Variants in LINGO2 observed in about 807,000 individuals in gnomAD.
LINGO2 encodes leucine-rich repeat and immunoglobulin-like domain-containing nogo receptor-interacting protein 2.
A neutral mutation model predicts 30.6 loss-of-function variants in LINGO2; 14 were observed. That is an observed-to-expected ratio of 0.46 (90% CI 0.30 to 0.72). The LOEUF (loss-of-function observed/expected upper bound fraction) is 0.72. LINGO2 is among the 30% of genes least tolerant of loss of function. The pLI is 0.07. For missense variants in LINGO2, 729 were observed against 751.7 expected (o/e 0.97, Z 0.35); for synonymous variants, 317 against 288.5 (o/e 1.10, Z -1.00).
intron 1 of LINGO2, among the ~76,000 whole-genome samples, chr9:28,511,911 T>C (rs531126576): frequency 9.9e-5 from 15 of 152,262 alleles, no homozygotes; most frequent in Middle Eastern, 3.4e-3. Flanking sequence ...CTGTCCACTT[T>C]AGGGTGGTTC....
At chr9:27,965,498 G>A (rs10968232) in intron 5 of LINGO2, among the ~76,000 whole-genome samples, 11,713 of 150,782 alleles carry the variant, frequency 0.078, 1,289 homozygotes, top group African/African-American at 0.24. Context: ...CTGATTCTCA[G>A]TCATCTTTCC....
At chr9:28,606,274 C>T (rs1825690771) in intron 1 of LINGO2, among the ~76,000 whole-genome samples, 1 of 151,850 alleles carries the variant, frequency 6.6e-6, no homozygotes, top group Non-Finnish European at 1.5e-5. Flanking sequence ...AAAACAGCTA[C>T]TATAATACTT....
At position 27,955,340 on chromosome 9, in the gene LINGO2, C is replaced by T. The variant is rs115425319; in HGVS notation, c.-35-4634G>A. On this transcript the variant is annotated intron_variant, in intron 5 of 5. Coordinates refer to ENST00000379992, the Ensembl canonical transcript of LINGO2. ...CCTAAATTAAGAAGAAAACTTAAAA[C>T]GTGTCAATCGTTTGATTTTAAGCAT... Among the ~76,000 whole-genome samples the T allele has an allele frequency of 1.7e-3, 260 of 152,206 alleles. 1 individual carries two copies. The highest frequency in any genetic ancestry group is 0.013 in the South Asian group (65 of 4,824).
At chr9:27,946,968 A>T (rs1823388755), downstream of LINGO2, among the ~76,000 whole-genome samples, 1 of 152,104 alleles carries the variant, frequency 6.6e-6, no homozygotes, top group South Asian at 2.1e-4. Context: ...TCAAAATTTC[A>T]AATTTTCAAA....
rs186276869 is a variant in LINGO2, at chr9:28,539,956, C to A, written c.-364-63931G>T. 1.3e-3 allele frequency among the ~76,000 whole-genome samples: 196 copies of A among 152,254 alleles called. 1 individual carries two copies. The highest frequency in any genetic ancestry group is 4.5e-3 in the African/African-American group (187 of 41,576). ...GCTCCACTAGCTGAATATACTTCAACAGGATGCCCGAGTCATTTACTTTCC... is the reference window on the plus strand; with the variant it reads ...GCTCCACTAGCTGAATATACTTCAAAAGGATGCCCGAGTCATTTACTTTCC... On this transcript the variant is annotated intron_variant, in intron 1 of 5. Transcript: ENST00000379992.
the LINGO2 span, among the ~76,000 whole-genome samples, chr9:28,698,171 G>A: frequency 1.1e-3 from 172 of 151,970 alleles, no homozygotes; most frequent in Admixed American, 6.5e-3. Context: ...TGAGATGATG[G>A]ACATTGGTTT....
At chr9:28,449,567 T>C (rs1261091605) in intron 2 of LINGO2, among the ~76,000 whole-genome samples, 1 of 152,072 alleles carries the variant, frequency 6.6e-6, no homozygotes, top group East Asian at 1.9e-4. Context: ...ACCCAACAAG[T>C]TACTCGTCTA....
the LINGO2 span, among the ~76,000 whole-genome samples, chr9:28,940,167 G>C: frequency 1.3e-5 from 2 of 152,052 alleles, no homozygotes; most frequent in South Asian, 4.1e-4. Context: ...CAGTTTAGCT[G>C]TTCACCAAGC....
At chr9:28,274,491 T>G (rs1052866323) in intron 4 of LINGO2, among the ~76,000 whole-genome samples, 8 of 152,226 alleles carry the variant, frequency 5.3e-5, no homozygotes, top group African/African-American at 1.9e-4. Context: ...AACTACATCA[T>G]GCATAATGCT....
intron 3 of LINGO2, among the ~76,000 whole-genome samples, chr9:28,366,280 T>C (rs902820213): frequency 2.6e-5 from 4 of 152,186 alleles, no homozygotes; most frequent in Admixed American, 6.5e-5. Flanking sequence ...ATCACTTGCA[T>C]TACCTCTATA....
chr9:28,430,688 A>G (rs1823629436), intron 2 of LINGO2, among the ~76,000 whole-genome samples: 1 of 152,150 alleles, frequency 6.6e-6, no homozygotes, highest in Non-Finnish European at 1.5e-5. Context: ...CATATTAGTT[A>G]TGCCTTGCTG....
the LINGO2 span, among the ~76,000 whole-genome samples, chr9:28,976,577 G>A: frequency 6.6e-6 from 1 of 151,904 alleles, no homozygotes; most frequent in African/African-American, 2.4e-5. Flanking sequence ...TTAAATTTAA[G>A]GTACACTTTG....
At chr9:28,990,290 C>A in the LINGO2 span, among the ~76,000 whole-genome samples, 1 of 152,222 alleles carries the variant, frequency 6.6e-6, no homozygotes. Context: ...AAGGCAGCAG[C>A]AAGGCTGGGG....
chr9:28,383,244 T>C (rs1279271730), intron 2 of LINGO2, among the ~76,000 whole-genome samples: 1 of 132,034 alleles, frequency 7.6e-6, no homozygotes, highest in East Asian at 2.2e-4. Context: ...ACACTATAGA[T>C]CACCATTCAT....
At chr9:28,548,594 C>T (rs1026739815) in intron 1 of LINGO2, among the ~76,000 whole-genome samples, 2 of 149,872 alleles carry the variant, frequency 1.3e-5, no homozygotes, top group African/African-American at 2.5e-5. Context: ...GTCTCAGCTA[C>T]TCGGGAGGCT....
At chr9:28,165,577 A>T (rs1828403342) in intron 4 of LINGO2, among the ~76,000 whole-genome samples, 1 of 152,222 alleles carries the variant, frequency 6.6e-6, no homozygotes, top group African/African-American at 2.4e-5. Flanking sequence ...GAAGGAAAAG[A>T]AGAGCAAGAA....
the LINGO2 span, among the ~76,000 whole-genome samples, chr9:28,747,332 A>T: frequency 2.6e-5 from 4 of 151,958 alleles, no homozygotes; most frequent in Non-Finnish European, 5.9e-5. Context: ...TTCCCCTTCC[A>T]GCTCCTCATC....
At chr9:28,091,876 G>T (rs1358029257) in intron 4 of LINGO2, among the ~76,000 whole-genome samples, 2 of 152,108 alleles carry the variant, frequency 1.3e-5, no homozygotes, top group Non-Finnish European at 2.9e-5. Context: ...CCATCAAAAA[G>T]TGGGTGAAGG....
chr9:28,379,212 A>G (rs1260215046), intron 2 of LINGO2, among the ~76,000 whole-genome samples: 2 of 152,142 alleles, frequency 1.3e-5, no homozygotes, highest in Non-Finnish European at 2.9e-5. Flanking sequence ...GCATGAAGCC[A>G]TAAAATGTTT....
Sources: allele counts gnomAD v4.1 joint callset (sites outside exome capture counted in the v4.1 genomes callset), GRCh38; gene constraint gnomAD v4.1.1; transcripts MANE v1.5; gene names NCBI Gene and HGNC (gene_info 2026-07-23, HGNC 2026-07-21).